Variants in DCUN1D4 observed in about 807,000 individuals in gnomAD.
The protein encoded by DCUN1D4 is defective in cullin neddylation 1 domain containing 4.
Under a neutral mutation model 47.9 loss-of-function variants are expected in DCUN1D4, and 22 were observed. The observed-to-expected ratio is 0.46, with a 90% CI of 0.33 to 0.66. The LOEUF (loss-of-function observed/expected upper bound fraction) is 0.66, where lower values mean the gene tolerates loss of function less well. Ranked by LOEUF, DCUN1D4 falls within the 30% of genes least tolerant of loss-of-function variation. DCUN1D4 has a pLI of 0.02. For missense variants in DCUN1D4, 301 were observed against 340.8 expected, an observed-to-expected ratio of 0.88 and a Z score of 0.92; for synonymous variants, 121 against 112.2, an observed-to-expected ratio of 1.08 and a Z score of -0.50.
At chr4:51,863,850 G>A in intron 3 of DCUN1D4, 141 bp downstream of exon 3, 1 of 847,940 alleles carries the variant, frequency 1.2e-6, no homozygotes, top group Non-Finnish European at 1.8e-6. Context: ...TTTTCAGGGA[G>A]TAATGAAGGC....
chr4:51,835,763 TG>T, the DCUN1D4 span, among the ~76,000 whole-genome samples: 6 of 151,960 alleles, frequency 3.9e-5, no homozygotes, highest in Non-Finnish European at 8.8e-5. Context: ...AGACTGTGGG[TG>T]GGGGTACCTG....
intron 1 of DCUN1D4, chr4:51,845,256 C>T (rs1332025223): frequency 1.0e-6 from 1 of 985,260 alleles, no homozygotes; most frequent in Non-Finnish European, 1.2e-6. Flanking sequence ...ACACGTAACC[C>T]TTGTAACGAT....
In DCUN1D4 at chr4:51,916,387, G is replaced by T. The variant is rs937330551; in HGVS notation, c.*2803G>T. The T allele has an allele frequency of 1.3e-5, 2 of 152,442 alleles. No individual in the cohort carries two copies. Among genetic ancestry groups the T allele is most frequent in the African/African-American group, 2.4e-5 (1 of 41,386 alleles). The allele number at this position is 152,442 out of a possible 1,614,324, so 9.4% of individuals were successfully genotyped here. On this transcript the variant is annotated 3_prime_UTR_variant, in exon 11 of 11. Coordinates refer to ENST00000334635, the MANE Select transcript of DCUN1D4 (RefSeq NM_001040402.3). ...CACAATGGATTTATTTTCTCTCTCA[G>T]TCTCCATTTTAACAGTGCTTTTGAA...
At chr4:51,869,565 C>T (rs780464262) in intron 3 of DCUN1D4, among the ~76,000 whole-genome samples, 1 of 151,888 alleles carries the variant, frequency 6.6e-6, no homozygotes, top group Non-Finnish European at 1.5e-5. Context: ...TTGTAAACCT[C>T]TTGTACTCTT....
intron 7 of DCUN1D4, among the ~76,000 whole-genome samples, chr4:51,895,043 AACT>A (rs1685725252): frequency 6.6e-6 from 1 of 152,100 alleles, no homozygotes; most frequent in African/African-American, 2.4e-5. Context: ...TGGGTCTCTT[AACT>A]AATCTCATTC....
chr4:51,880,044 T>A (rs1195476681), intron 5 of DCUN1D4, among the ~76,000 whole-genome samples: 2 of 152,220 alleles, frequency 1.3e-5, no homozygotes, highest in Non-Finnish European at 2.9e-5. Context: ...CTATTCCTAT[T>A]TTTAGCCACC....
rs543201063 is a variant in DCUN1D4, at chr4:51,843,276, C to CA, written c.25+10dup. ...GGATGCCGCCGCTGTCAGTGAGTAGCAGAGAGCCAGCCAGCGGGCCGGGGC... is the reference window on the plus strand; with the variant it reads ...GGATGCCGCCGCTGTCAGTGAGTAGCAAGAGAGCCAGCCAGCGGGCCGGGGC... On this transcript the variant is annotated intron_variant, in intron 1 of 10. Coordinates refer to ENST00000334635, the MANE Select transcript of DCUN1D4 (RefSeq NM_001040402.3). 6.5e-7 allele frequency: 1 copy of CA among 1,534,528 alleles called. No homozygotes were observed. Among genetic ancestry groups the CA allele is most frequent in the South Asian group, 1.2e-5 (1 of 82,176 alleles).
At chr4:51,835,643 G>T in the DCUN1D4 span, among the ~76,000 whole-genome samples, 1 of 152,092 alleles carries the variant, frequency 6.6e-6, no homozygotes, top group African/African-American at 2.4e-5. Flanking sequence ...TGTGGGGTGG[G>T]GACAGGGCAG....
At chr4:51,834,079 TCTCTC>T in the DCUN1D4 span, among the ~76,000 whole-genome samples, 1,957 of 127,436 alleles carry the variant, frequency 0.015, 60 homozygotes, top group African/African-American at 0.026. Flanking sequence ...TCTCTCTCTC[TCTCTC>T]TCTTTTCTTT....
chr4:51,900,606 G>T (rs1329646308), intron 8 of DCUN1D4, among the ~76,000 whole-genome samples: 1 of 152,028 alleles, frequency 6.6e-6, no homozygotes, highest in Non-Finnish European at 1.5e-5. Context: ...CAGATATGGT[G>T]CCTATAGTTC....
chr4:51,910,600 T>G (rs1338388258), intron 8 of DCUN1D4, among the ~76,000 whole-genome samples: 5 of 152,150 alleles, frequency 3.3e-5, no homozygotes, highest in Non-Finnish European at 5.9e-5. Flanking sequence ...AAGAAAAATA[T>G]TTATCAATGA....
intron 1 of DCUN1D4, among the ~76,000 whole-genome samples, chr4:51,862,347 T>C (rs1229474552): frequency 6.6e-6 from 1 of 152,242 alleles, no homozygotes; most frequent in East Asian, 1.9e-4. Context: ...GCTTTCTAAC[T>C]GTGAACAGGG....
chr4:51,869,146 GTCAA>G (rs1371121702), intron 3 of DCUN1D4, among the ~76,000 whole-genome samples: 4 of 93,904 alleles, frequency 4.3e-5, no homozygotes, highest in East Asian at 6.9e-4. Context: ...AAAAAAAAAA[GTCAA>G]TCAGAGAGGA....
chr4:51,866,375 ATGG>A (rs1553919709), intron 3 of DCUN1D4, among the ~76,000 whole-genome samples: 7 of 149,980 alleles, frequency 4.7e-5, no homozygotes, highest in South Asian at 2.1e-4. Flanking sequence ...TAACCAAATT[ATGG>A]TGATGATGAT....
intron 3 of DCUN1D4, among the ~76,000 whole-genome samples, chr4:51,867,526 A>C (rs1275121003): frequency 6.6e-6 from 1 of 152,098 alleles, no homozygotes; most frequent in Non-Finnish European, 1.5e-5. Flanking sequence ...AGCAGACCCA[A>C]AGTGGGTAGC....
chr4:51,848,207 A>C, intron 1 of DCUN1D4: 1 of 1,289,198 alleles, frequency 7.8e-7, no homozygotes, highest in African/African-American at 1.5e-5. Flanking sequence ...ACATGCAGAT[A>C]TCAGTTTTAG....
the DCUN1D4 span, among the ~76,000 whole-genome samples, chr4:51,834,114 C>CTTT: frequency 3.0e-4 from 11 of 37,194 alleles, 2 homozygotes; most frequent in African/African-American, 9.5e-4. Context: ...TTTTTTTTTT[C>CTTT]TTTTTTTTTT....
In DCUN1D4 at chr4:51,899,299, C is replaced by T; in HGVS notation, c.536C>T (p.Thr179Ile). The T allele has an allele frequency of 6.2e-7, 1 of 1,606,204 alleles. No individual in the cohort carries two copies. The highest frequency in any genetic ancestry group is 2.2e-5 in the East Asian group (1 of 44,654). The change falls in exon 8 of 11, where the codon ACT becomes ATT. Residue 179 changes from threonine to isoleucine, a missense_variant. Around this residue, in one of 2 missense-constraint regions of DCUN1D4, gnomAD observed 170 missense variants for 234.5 expected, o/e 0.73. Transcript: ENST00000334635. The stretch of plus-strand genomic sequence containing the variant: ...GATACAACAGAAAAACTCAGAAATA[C>T]TTTGGATTACTTAAGATCATTCTTA... ...QCDTTEKLRN[T>I]LDYLRSFLND...
chr4:51,916,174 A>G lies in DCUN1D4; in HGVS notation c.*2590A>G, dbSNP rs1186475909. On this transcript the variant is annotated 3_prime_UTR_variant, in exon 11 of 11. Transcript: ENST00000334635. ...CTTTCTCTTTTTCTATTGTGTTTCG[A>G]ACTCCACATTGCAATACTCTGTTGT... The G allele has an allele frequency of 6.6e-6, 1 of 152,052 alleles. No homozygotes were observed. Among genetic ancestry groups the G allele is most frequent in the African/African-American group, 2.4e-5 (1 of 41,412 alleles). The allele number at this position is 152,052 out of a possible 1,614,324, so 9.4% of individuals were successfully genotyped here.
Sources: allele counts gnomAD v4.1 joint callset (sites outside exome capture counted in the v4.1 genomes callset), GRCh38; gene constraint gnomAD v4.1.1; regional missense constraint gnomAD v4.1.1; transcripts MANE v1.5; gene names NCBI Gene and HGNC (gene_info 2026-07-23, HGNC 2026-07-21).